The following SGCZ variants were observed in gnomAD, a reference collection of about 807,000 sequenced individuals.
SGCZ encodes the protein zeta-sarcoglycan.
SGCZ carries 40 observed loss-of-function variants against 41.3 expected under a neutral mutation model. That is an observed-to-expected ratio of 0.97 (90% confidence interval 0.75 to 1.26). The LOEUF is 1.26. SGCZ is among the 50% of genes most tolerant of loss of function. SGCZ has a pLI of 0.00. For missense variants in SGCZ, 552 were observed against 369.8 expected (o/e 1.49, Z -4.04); for synonymous variants, 206 against 137.5 (o/e 1.50, Z -3.49).
rs367706012 is a variant in SGCZ at position 14,962,808 on chromosome 8, G to C, written c.39+274777C>G. On this transcript the variant is annotated intron_variant, in intron 1 of 7. Coordinates refer to ENST00000382080, the MANE Select transcript of SGCZ (RefSeq NM_139167.4). ...AGTGTCCCGCATTAAGAAATTCGTC[G>C]TGATAAGATATGCAGAACAAGGGAG... 3.3e-5 allele frequency among the ~76,000 whole-genome samples: 5 copies of C among 152,132 alleles called. No individual in the cohort carries two copies. The South Asian group carries it at 1.0e-3, about 31-fold the overall frequency.
intron 1 of SGCZ, among the ~76,000 whole-genome samples, chr8:14,726,024 C>T (rs1810036419): frequency 6.6e-6 from 1 of 151,512 alleles, no homozygotes; most frequent in Non-Finnish European, 1.5e-5. Context: ...TTTGGGAGAC[C>T]AAGGTGGGCA....
chr8:14,860,570 GAA>G (rs936887016), intron 1 of SGCZ, among the ~76,000 whole-genome samples: 1 of 136,688 alleles, frequency 7.3e-6, no homozygotes, highest in Non-Finnish European at 1.6e-5. Flanking sequence ...AGGAAAGAAA[GAA>G]AAGAAAAAGA....
At chr8:14,177,202 T>G (rs1804569455) in intron 4 of SGCZ, among the ~76,000 whole-genome samples, 1 of 151,968 alleles carries the variant, frequency 6.6e-6, no homozygotes, top group Non-Finnish European at 1.5e-5. Flanking sequence ...AAAATGCCAG[T>G]GGGGACTGGG....
At chr8:14,727,364 A>G (rs922099764) in intron 1 of SGCZ, among the ~76,000 whole-genome samples, 1 of 152,182 alleles carries the variant, frequency 6.6e-6, no homozygotes, top group Non-Finnish European at 1.5e-5. Flanking sequence ...AAATGAAAAT[A>G]CTATTCATTG....
chr8:14,424,553 T>A (rs1242981288), intron 2 of SGCZ, among the ~76,000 whole-genome samples: 1 of 152,206 alleles, frequency 6.6e-6, no homozygotes, highest in Non-Finnish European at 1.5e-5. Flanking sequence ...GGTACCATAA[T>A]GTACATTATG....
At chr8:14,341,944 A>G (rs1417024234) in intron 2 of SGCZ, among the ~76,000 whole-genome samples, 2 of 152,198 alleles carry the variant, frequency 1.3e-5, no homozygotes, top group Non-Finnish European at 2.9e-5. Flanking sequence ...AGAATAATAC[A>G]GTAAATTTGT....
chr8:14,604,928 C>T (rs1331201357), intron 1 of SGCZ, among the ~76,000 whole-genome samples: 5 of 152,106 alleles, frequency 3.3e-5, no homozygotes, highest in Admixed American at 3.3e-4. Flanking sequence ...TAATGAATGA[C>T]AAATTTCAAA....
intron 1 of SGCZ, among the ~76,000 whole-genome samples, chr8:14,915,921 G>C (rs539255000): frequency 2.5e-4 from 38 of 152,258 alleles, no homozygotes; most frequent in African/African-American, 8.7e-4. Context: ...CAAAGTAGCC[G>C]TTTCAATATT....
intron 1 of SGCZ, among the ~76,000 whole-genome samples, chr8:15,142,067 C>G (rs1798902897): frequency 6.6e-6 from 1 of 152,168 alleles, no homozygotes; most frequent in Non-Finnish European, 1.5e-5. Flanking sequence ...AGGTTCCCAA[C>G]AGATGGGGAA....
intron 2 of SGCZ, among the ~76,000 whole-genome samples, chr8:14,407,762 T>C (rs1426153500): frequency 6.6e-6 from 1 of 152,140 alleles, no homozygotes; most frequent in East Asian, 1.9e-4. Context: ...GCTGGTGCAT[T>C]TTTTCCTATG....
Position 14,815,901 on chromosome 8 carries a change from G to C in SGCZ, c.40-260975C>G, listed in dbSNP as rs935070218. The stretch of plus-strand genomic sequence containing the variant: ...AATAAAGCCTATCAAAAGAAAGAAT[G>C]CTGTCTACCTAATTTATTTGATGTT... On this transcript the variant is annotated intron_variant, in intron 1 of 7. Coordinates refer to ENST00000382080, the MANE Select transcript of SGCZ (RefSeq NM_139167.4). Among the ~76,000 whole-genome samples the C allele has an allele frequency of 4.6e-5, 7 of 152,122 alleles. No individual in the cohort carries two copies. In the East Asian group the frequency reaches 1.3e-3, roughly 29 times the overall value.
intron 1 of SGCZ, among the ~76,000 whole-genome samples, chr8:14,556,457 G>A (rs825912): frequency 0.67 from 102,233 of 151,584 alleles, 35,458 homozygotes; most frequent in Non-Finnish European, 0.76. Context: ...TTTTTCCATA[G>A]GTTTTTGGGA....
intron 2 of SGCZ, among the ~76,000 whole-genome samples, chr8:14,485,185 T>C (rs1290243664): frequency 6.6e-6 from 1 of 152,182 alleles, no homozygotes; most frequent in Non-Finnish European, 1.5e-5. Context: ...ATGATCCAAC[T>C]AAAAACTACA....
intron 1 of SGCZ, among the ~76,000 whole-genome samples, chr8:15,075,427 G>A (rs1197410887): frequency 6.6e-6 from 1 of 152,156 alleles, no homozygotes; most frequent in Non-Finnish European, 1.5e-5. Context: ...AGAAGGAAAT[G>A]AGCATGATGA....
intron 1 of SGCZ, among the ~76,000 whole-genome samples, chr8:14,726,861 C>T (rs945453378): frequency 7.9e-5 from 12 of 151,692 alleles, no homozygotes; most frequent in African/African-American, 2.7e-4. Context: ...AGAGGAAAAA[C>T]TAGTATCTAG....
intron 1 of SGCZ, among the ~76,000 whole-genome samples, chr8:14,614,955 T>G (rs1464715575): frequency 6.6e-6 from 1 of 151,744 alleles, no homozygotes; most frequent in Non-Finnish European, 1.5e-5. Flanking sequence ...TAAATACATA[T>G]CATTTTATAT....
At chr8:14,661,158 T>C (rs1232176495) in intron 1 of SGCZ, among the ~76,000 whole-genome samples, 1 of 152,132 alleles carries the variant, frequency 6.6e-6, no homozygotes, top group Admixed American at 6.6e-5. Flanking sequence ...AGAAGGTGCG[T>C]TTTATCATTT....
intron 2 of SGCZ, among the ~76,000 whole-genome samples, chr8:14,438,535 A>G (rs1450041012): frequency 1.3e-5 from 2 of 151,972 alleles, no homozygotes; most frequent in Admixed American, 1.3e-4. Flanking sequence ...ATGCTTGGAG[A>G]ACCTATGGAG....
At chr8:14,965,271 CA>C (rs1420350783) in intron 1 of SGCZ, among the ~76,000 whole-genome samples, 2 of 152,080 alleles carry the variant, frequency 1.3e-5, no homozygotes, top group Non-Finnish European at 2.9e-5. Flanking sequence ...CTGGTCCAGT[CA>C]AACTGGTAGG....
Sources: allele counts gnomAD v4.1 joint callset (sites outside exome capture counted in the v4.1 genomes callset), GRCh38; gene constraint gnomAD v4.1.1; transcripts MANE v1.5; gene names NCBI Gene and HGNC (gene_info 2026-07-23, HGNC 2026-07-21).